GALNT10: variants seen among roughly 807,000 people sequenced by gnomAD.
GALNT10 encodes the protein polypeptide N-acetylgalactosaminyltransferase 10.
In GALNT10, 41 loss-of-function variants were observed where a neutral mutation model predicts 75.0. The ratio of observed to expected loss-of-function variants is 0.55; its 90% CI spans 0.43 to 0.71. GALNT10 has a LOEUF of 0.71. GALNT10 is among the 30% of genes least tolerant of loss of function. GALNT10 has a pLI of 0.00. For synonymous variants in GALNT10, 302 were observed against 313.0 expected (o/e 0.96, Z 0.37); for missense variants, 727 against 818.5 (o/e 0.89, Z 1.36).
At position 154,298,411 on chromosome 5, in the gene GALNT10, TTTTA is replaced by T. The variant is rs1754313004; in HGVS notation, c.401+336_401+339del. Among the ~76,000 whole-genome samples the T allele has an allele frequency of 6.6e-6, 1 of 152,070 alleles. No individual in the cohort carries two copies. Among genetic ancestry groups the T allele is most frequent in the South Asian group, 2.1e-4 (1 of 4,822 alleles). On this transcript the variant is annotated intron_variant, in intron 3 of 11. Transcript: ENST00000297107. The surrounding 1 kb of genome is among the most constrained non-coding windows in gnomAD (Gnocchi z 4.1). ...ATTCTCTTCACTTTCTGTGTGATGT[TTTTA>T]TTTCTTTTTAAAAAAAATCTTTCTA...
chr5:154,411,763 C>A (rs1756402278), intron 9 of GALNT10, among the ~76,000 whole-genome samples: 1 of 152,192 alleles, frequency 6.6e-6, no homozygotes, highest in Non-Finnish European at 1.5e-5. Flanking sequence ...TAGTTCAAGT[C>A]CTCCAAGAAG....
intron 4 of GALNT10, among the ~76,000 whole-genome samples, chr5:154,358,977 C>T (rs1755341070): frequency 6.6e-6 from 1 of 152,168 alleles, no homozygotes; most frequent in Non-Finnish European, 1.5e-5. Flanking sequence ...CTGTTTTCTG[C>T]CTGTGTGTGT....
At position 154,386,415 on chromosome 5, in the gene GALNT10, T is replaced by C. The variant is rs1442627270; in HGVS notation, c.1041T>C (p.Tyr347=). The change falls in exon 7 of 12, where the codon TAT becomes TAC. Residue 347 remains tyrosine, a synonymous_variant. Coordinates refer to ENST00000297107, the MANE Select transcript of GALNT10 (RefSeq NM_198321.4). ...TGGAGATCTGGGGAGGGGAGCAGTA[T>C]GAAATCTCCTTCAAGGTGAGCCAGC... ...PGLEIWGGEQ[Y]EISFKVWMCG... is the part of the protein sequence containing the mutation. 1.2e-6 allele frequency: 2 copies of C among 1,607,964 alleles called. No individual in the cohort carries two copies. The highest frequency in any genetic ancestry group is 1.7e-6 in the Non-Finnish European group (2 of 1,174,506).
intron 3 of GALNT10, among the ~76,000 whole-genome samples, chr5:154,323,696 G>A (rs932502613): frequency 3.9e-5 from 6 of 152,326 alleles, no homozygotes; most frequent in Admixed American, 2.6e-4. Context: ...TCTCCACCTC[G>A]GCAGGTTCCT....
At chr5:154,309,891 G>C (rs17629424) in intron 3 of GALNT10, among the ~76,000 whole-genome samples, 8,163 of 152,282 alleles carry the variant, frequency 0.054, 314 homozygotes, top group Non-Finnish European at 0.079. Flanking sequence ...CTGAGTTGCT[G>C]TGTTTTTATT....
intron 1 of GALNT10, among the ~76,000 whole-genome samples, chr5:154,290,258 A>ATTTTTTTTTTTTTTTTTTTTTT (rs71577131): frequency 4.0e-5 from 4 of 98,918 alleles, no homozygotes; most frequent in Non-Finnish European, 5.8e-5. Context: ...CACTCAGCTA[A>ATTTTTTTTTTTTTTTTTTTTTT]TTTTTTTTTT....
At chr5:154,316,439 T>C (rs939330201) in intron 3 of GALNT10, among the ~76,000 whole-genome samples, 1 of 152,184 alleles carries the variant, frequency 6.6e-6, no homozygotes, top group African/African-American at 2.4e-5. Context: ...CAGCAACTAT[T>C]CATGGCGTGC....
chr5:154,222,753 T>A (rs1305231971), intron 1 of GALNT10, among the ~76,000 whole-genome samples: 1 of 152,222 alleles, frequency 6.6e-6, no homozygotes, highest in Non-Finnish European at 1.5e-5. Flanking sequence ...TTTTATGTCT[T>A]TTGTGAAGTA....
At chr5:154,383,983 A>C (rs1755772123) in intron 6 of GALNT10, among the ~76,000 whole-genome samples, 1 of 152,192 alleles carries the variant, frequency 6.6e-6, no homozygotes, top group African/African-American at 2.4e-5. Context: ...GTCATGGCAG[A>C]GGGGGAAGCA....
chr5:154,245,915 G>A (rs956508519), intron 1 of GALNT10, among the ~76,000 whole-genome samples: 1 of 150,310 alleles, frequency 6.7e-6, no homozygotes, highest in Non-Finnish European at 1.5e-5. Context: ...CCATTAACTC[G>A]TCATTTAACA....
At chr5:154,294,139 A>G (rs182737666) in intron 1 of GALNT10, among the ~76,000 whole-genome samples, 1 of 152,312 alleles carries the variant, frequency 6.6e-6, no homozygotes, top group African/African-American at 2.4e-5. Context: ...CAGGAGTTCA[A>G]GACCAACCTG....
chr5:154,255,655 C>G (rs1753595158), intron 1 of GALNT10, among the ~76,000 whole-genome samples: 1 of 152,078 alleles, frequency 6.6e-6, no homozygotes, highest in Non-Finnish European at 1.5e-5. Context: ...AGGGTTTCCT[C>G]CCTCCAGGTC....
intron 4 of GALNT10, among the ~76,000 whole-genome samples, chr5:154,361,652 A>T (rs939310944): frequency 5.9e-5 from 9 of 152,318 alleles, no homozygotes; most frequent in African/African-American, 2.2e-4. Context: ...GTCCATAAGG[A>T]TTTTCTGCTA....
chr5:154,417,152 TGGGGGTA>T lies in GALNT10; in HGVS notation c.*184_*190del. 1.6e-6 allele frequency: 1 copy of T among 606,178 alleles called. No homozygotes were observed. The highest frequency in any genetic ancestry group is 2.9e-6 in the Non-Finnish European group (1 of 342,318). The allele number at this position is 606,178 out of a possible 1,614,324, so 37.5% of individuals were successfully genotyped here. A position where few individuals can be genotyped will look rare whatever the true frequency, so the allele number is the denominator to read the frequency against. On this transcript the variant is annotated 3_prime_UTR_variant, in exon 12 of 12. Transcript: ENST00000297107. ...GCCTGGTCCTTGAGCCCCTGAGTTG[TGGGGGTA>T]GGGTGAAGAGCATATCCCACAAGAG...
chr5:154,286,770 T>C (rs1008288841), intron 1 of GALNT10, among the ~76,000 whole-genome samples: 4 of 152,158 alleles, frequency 2.6e-5, no homozygotes, highest in Non-Finnish European at 5.9e-5. Flanking sequence ...ATGGAGTTAC[T>C]GGAGTGGGGA....
chr5:154,223,783 G>A (rs1395423246), intron 1 of GALNT10, among the ~76,000 whole-genome samples: 1 of 152,068 alleles, frequency 6.6e-6, no homozygotes, highest in African/African-American at 2.4e-5. Flanking sequence ...AACTGGGCGT[G>A]GTGGTGCAGG....
intron 6 of GALNT10, 75 bp downstream of exon 6, chr5:154,380,706 G>T: frequency 9.6e-7 from 1 of 1,038,134 alleles, no homozygotes; most frequent in South Asian, 1.5e-5. Context: ...ACTCAGGATC[G>T]CCATCTCCCT....
At chr5:154,356,040 A>T (rs1366794351) in intron 4 of GALNT10, 1 of 432,916 alleles carries the variant, frequency 2.3e-6, no homozygotes, top group Admixed American at 2.5e-5. Context: ...CATTTCCTGA[A>T]AGCCTCTGTT....
chr5:154,321,459 C>A (rs535485940), intron 3 of GALNT10, among the ~76,000 whole-genome samples: 2 of 152,240 alleles, frequency 1.3e-5, no homozygotes, highest in East Asian at 3.9e-4. Flanking sequence ...AGGTGCCCAC[C>A]ACTACACCCG....
Sources: allele counts gnomAD v4.1 joint callset (sites outside exome capture counted in the v4.1 genomes callset), GRCh38; gene constraint gnomAD v4.1.1; non-coding constraint Gnocchi (gnomAD v3.1); transcripts MANE v1.5; gene names NCBI Gene and HGNC (gene_info 2026-07-23, HGNC 2026-07-21).